The following ETHE1 variants were observed in gnomAD, a reference collection of about 807,000 sequenced individuals.
ETHE1 encodes the protein persulfide dioxygenase ETHE1, mitochondrial.
ETHE1 carries 16 observed loss-of-function variants against 25.7 expected under a neutral mutation model. That is an observed-to-expected ratio of 0.62 (90% CI 0.42 to 0.95). The LOEUF (loss-of-function observed/expected upper bound fraction) is 0.95. Among genes scored for constraint, ETHE1 ranks in the 40% least tolerant of loss-of-function variants. The pLI is 0.00. For missense variants in ETHE1, 300 were observed against 333.6 expected (o/e 0.90, Z 0.79); for synonymous variants, 139 against 135.9 (o/e 1.02, Z -0.16).
chr19:43,507,975 G>C lies in ETHE1; in HGVS notation c.681C>G (p.Gly227=). ...LSCEEFVKIM[G]NLNLPKPQQI... ...GCTGAGGTTTAGGCAAGTTCAGGTT[G>C]CCCATGATTTTGACAAACTCCTCAC... is the stretch of plus-strand genomic sequence containing the variant. The change falls in exon 6 of 7, where the codon GGC becomes GGG. Residue 227 remains glycine, a synonymous_variant. Transcript: ENST00000292147. 6.2e-7 allele frequency: 1 copy of C among 1,614,128 alleles called. No homozygotes were observed. The highest frequency in any genetic ancestry group is 8.5e-7 in the Non-Finnish European group (1 of 1,180,024).
At chr19:43,525,049 G>C (rs1038773671) in intron 3 of ETHE1, among the ~76,000 whole-genome samples, 4 of 151,044 alleles carry the variant, frequency 2.6e-5, no homozygotes, top group African/African-American at 4.9e-5. Context: ...GGGAGGCTAA[G>C]GTGGGAGGAT....
rs140021592 is a variant in ETHE1 at position 43,509,932 on chromosome 19, G to A, written c.506-1068C>T. On this transcript the variant is annotated intron_variant, in intron 4 of 6. Coordinates refer to ENST00000292147, the MANE Select transcript of ETHE1 (RefSeq NM_014297.5). ...AAACCTCTATTCCACCTTGCATTTC[G>A]GCCTAAATCCTTCAGCTTCCTGACT... Among the ~76,000 whole-genome samples the A allele has an allele frequency of 1.8e-3, 274 of 152,260 alleles. 1 individual carries two copies. Among genetic ancestry groups the A allele is most frequent in the Admixed American group, 3.7e-3 (57 of 15,276 alleles).
intron 3 of ETHE1, among the ~76,000 whole-genome samples, chr19:43,515,417 T>TAAAAAAAAAAAAAAAAAAAAAA (rs77979210): frequency 1.0e-5 from 1 of 97,290 alleles, no homozygotes. Flanking sequence ...AACTCCGCCT[T>TAAAAAAAAAAAAAAAAAAAAAA]AAAAAAAAAA....
At chr19:43,518,999 GTTTTT>G (rs71169253) in intron 3 of ETHE1, among the ~76,000 whole-genome samples, 22 of 91,006 alleles carry the variant, frequency 2.4e-4, no homozygotes, top group East Asian at 2.0e-3. Flanking sequence ...ATTTGTGCTT[GTTTTT>G]TTTTTTTTTT....
chr19:43,521,256 C>T (rs1407642465), intron 3 of ETHE1, among the ~76,000 whole-genome samples: 1 of 152,062 alleles, frequency 6.6e-6, no homozygotes, highest in Non-Finnish European at 1.5e-5. Context: ...CACCGAAAGG[C>T]GGAGGTTGCA....
chr19:43,520,026 A>T (rs1371463448), intron 3 of ETHE1, among the ~76,000 whole-genome samples: 1 of 149,414 alleles, frequency 6.7e-6, no homozygotes, highest in Admixed American at 6.7e-5. Flanking sequence ...AGCCTGGACA[A>T]CATAGCGAGA....
intron 3 of ETHE1, among the ~76,000 whole-genome samples, chr19:43,514,335 C>T (rs188342803): frequency 3.3e-5 from 5 of 152,154 alleles, no homozygotes; most frequent in African/African-American, 1.2e-4. Context: ...CGGCAGTTCC[C>T]CTGCACACAC....
Position 43,508,891 on chromosome 19 carries a change from T to C in ETHE1, c.506-27A>G, listed in dbSNP as rs375276954. On this transcript the variant is annotated intron_variant, in intron 4 of 6. Coordinates refer to ENST00000292147, the MANE Select transcript of ETHE1 (RefSeq NM_014297.5). ...TGGGGAAGGAAAGATCAGAGGTCAG[T>C]GGATCAACAGGACAGAAGACTCTAA... The C allele has an allele frequency of 2.2e-5, 34 of 1,554,246 alleles. No individual in the cohort carries two copies. In the African/African-American group the frequency reaches 4.5e-4, roughly 20 times the overall value.
At position 43,508,869 on chromosome 19, in the gene ETHE1, G is replaced by A; in HGVS notation, c.506-5C>T. The A allele has an allele frequency of 6.2e-7, 1 of 1,600,526 alleles. No homozygotes were observed. The highest frequency in any genetic ancestry group is 8.5e-7 in the Non-Finnish European group (1 of 1,173,364). On this transcript the variant is annotated splice_region_variant and splice_polypyrimidine_tract_variant and intron_variant, in intron 4 of 6. Coordinates refer to ENST00000292147, the MANE Select transcript of ETHE1 (RefSeq NM_014297.5). ...GGTACAAGGTCTTGGCACAGCCTGG[G>A]GAAGGAAAGATCAGAGGTCAGTGGA...
rs549647087 is a variant in ETHE1 at position 43,507,828 on chromosome 19, C to G, written c.712+116G>C. 8.4e-6 allele frequency: 9 copies of G among 1,070,672 alleles called. No individual in the cohort carries two copies. The East Asian group carries it at 2.4e-4, about 29-fold the overall frequency. 66.3% of individuals were successfully genotyped at this position (1,070,672 alleles called of 1,614,324 possible). A position where few individuals can be genotyped will look rare whatever the true frequency, so the allele number is the denominator to read the frequency against. The stretch of plus-strand genomic sequence containing the variant: ...ACCCAGGAGTCCAGGCCCCCAGCCC[C>G]TCCTCCCTCAGACCCAGGAGTCCAG... On this transcript the variant is annotated intron_variant, in intron 6 of 6. Coordinates refer to ENST00000292147, the MANE Select transcript of ETHE1 (RefSeq NM_014297.5).
Position 43,506,897 on chromosome 19 carries a change from CAA to C in ETHE1, c.716_717del (p.Phe239CysfsTer28). Reference protein sequence around the residue: ...LNLPKPQQIDFAVPANMRCGV... With the variant: ...LNLPKPQQIDXAVPANMRCGV... ...CCACAGCGCATGTTGGCTGGAACAG[CAA>C]AGTCTGAAAGGAAGAAATCAAGGTT... On this transcript the variant is annotated frameshift_variant, in exon 7 of 7. Coordinates refer to ENST00000292147, the MANE Select transcript of ETHE1 (RefSeq NM_014297.5). LOFTEE classifies it high-confidence loss of function. 1 of 1,613,850 alleles carries C rather than the reference CAA, an allele frequency of 6.2e-7. No homozygotes were observed. Among genetic ancestry groups the C allele is most frequent in the Non-Finnish European group, 8.5e-7 (1 of 1,179,898 alleles).
chr19:43,526,803 A>C (rs924451967), intron 1 of ETHE1, 144 bp from the exon 2 acceptor site: 9 of 1,517,984 alleles, frequency 5.9e-6, no homozygotes, highest in Non-Finnish European at 8.0e-6. Flanking sequence ...GGGAGTCCGG[A>C]GCCCCACTAC....
intron 3 of ETHE1, among the ~76,000 whole-genome samples, chr19:43,522,469 T>C (rs1972155469): frequency 6.6e-6 from 1 of 152,166 alleles, no homozygotes; most frequent in Non-Finnish European, 1.5e-5. Flanking sequence ...AATTTTATTT[T>C]TTATTTTATT....
chr19:43,526,063 T>C, intron 3 of ETHE1, 138 bp downstream of exon 3: 1 of 1,329,192 alleles, frequency 7.5e-7, no homozygotes, highest in Non-Finnish European at 1.1e-6. Context: ...CCCAGAAATA[T>C]GAGCTCAGGG....
intron 3 of ETHE1, among the ~76,000 whole-genome samples, chr19:43,516,829 C>G (rs1352747348): frequency 6.6e-6 from 1 of 151,936 alleles, no homozygotes. Flanking sequence ...GAGGTTTCAT[C>G]ATGTTGACCA....
Position 43,507,980 on chromosome 19 carries a change from T to C in ETHE1, c.676A>G (p.Met226Val). 1 of 1,614,140 alleles carries C rather than the reference T, an allele frequency of 6.2e-7. No homozygotes were observed. Among genetic ancestry groups the C allele is most frequent in the Non-Finnish European group, 8.5e-7 (1 of 1,180,018 alleles). The change falls in exon 6 of 7, where the codon ATG becomes GTG. Residue 226 changes from methionine to valine, a missense_variant. By Grantham distance (21) the Met-to-Val change is conservative. Coordinates refer to ENST00000292147, the MANE Select transcript of ETHE1 (RefSeq NM_014297.5). ...GGTTTAGGCAAGTTCAGGTTGCCCA[T>C]GATTTTGACAAACTCCTCACAGCTG... ...TLSCEEFVKI[M>V]GNLNLPKPQQ...
chr19:43,525,795 G>C (rs1324780474), intron 3 of ETHE1: 2 of 290,920 alleles, frequency 6.9e-6, no homozygotes, highest in African/African-American at 2.2e-5. Context: ...CCTGGGCTCC[G>C]GGTTCTAAGC....
chr19:43,511,017 G>A (rs910717872), intron 4 of ETHE1, among the ~76,000 whole-genome samples: 2 of 151,888 alleles, frequency 1.3e-5, no homozygotes, highest in African/African-American at 2.4e-5. Flanking sequence ...TCTAGGTTGC[G>A]TTCTCCTTAT....
rs545275261 is a variant in ETHE1, at chr19:43,511,975, G to A, written c.376-409C>T. Among the ~76,000 whole-genome samples, 11 of 152,164 alleles carry A rather than the reference G, an allele frequency of 7.2e-5. No individual in the cohort carries two copies. In the South Asian group the frequency reaches 1.0e-3, roughly 14 times the overall value. ...TCTCGTGATGATGAATAAGTCTCAC[G>A]AGATCTGATGGTTTTATAAAGGGCA... is the stretch of plus-strand genomic sequence containing the variant. On this transcript the variant is annotated intron_variant, in intron 3 of 6. Transcript: ENST00000292147.
Sources: allele counts gnomAD v4.1 joint callset (sites outside exome capture counted in the v4.1 genomes callset), GRCh38; gene constraint gnomAD v4.1.1; transcripts MANE v1.5; gene names NCBI Gene and HGNC (gene_info 2026-07-23, HGNC 2026-07-21).